The following MAP3K2 variants were observed in gnomAD, a reference collection of about 807,000 sequenced individuals.
MAP3K2 encodes MAP/ERK kinase kinase 2.
MAP3K2 carries 24 observed loss-of-function variants against 80.3 expected under a neutral mutation model. That is an observed-to-expected ratio of 0.30 (90% CI 0.22 to 0.42). The LOEUF (loss-of-function observed/expected upper bound fraction) is 0.42. MAP3K2 is among the 10% of genes least tolerant of loss of function. The pLI, the probability that MAP3K2 is intolerant of heterozygous loss-of-function variation, is 1.00. For missense variants in MAP3K2, 608 were observed against 750.1 expected (o/e 0.81, Z 2.21); for synonymous variants, 244 against 253.7 (o/e 0.96, Z 0.36).
intron 1 of MAP3K2, among the ~76,000 whole-genome samples, chr2:127,381,989 T>TA (rs1183039128): frequency 2.6e-5 from 4 of 151,920 alleles, no homozygotes; most frequent in South Asian, 2.1e-4. Flanking sequence ...CTTGATCTCT[T>TA]AAAAAAAATC....
At chr2:127,354,162 T>C (rs1231375964) in intron 1 of MAP3K2, among the ~76,000 whole-genome samples, 1 of 149,688 alleles carries the variant, frequency 6.7e-6, no homozygotes, top group Non-Finnish European at 1.5e-5. Context: ...CACTTGTTTA[T>C]CTGCTGACCT....
chr2:127,311,675 T>C (rs1310921456), intron 15 of MAP3K2, among the ~76,000 whole-genome samples: 1 of 152,114 alleles, frequency 6.6e-6, no homozygotes, highest in East Asian at 1.9e-4. Flanking sequence ...AAATTCAAGA[T>C]GTCATGATCA....
intron 1 of MAP3K2, among the ~76,000 whole-genome samples, chr2:127,352,441 G>T (rs1686707369): frequency 1.3e-5 from 2 of 152,030 alleles, no homozygotes; most frequent in African/African-American, 4.8e-5. Flanking sequence ...CTTCTTCCTT[G>T]TTTGGCTATT....
intron 2 of MAP3K2, among the ~76,000 whole-genome samples, chr2:127,340,027 C>T (rs760318060): frequency 5.9e-5 from 9 of 152,166 alleles, no homozygotes; most frequent in African/African-American, 9.7e-5. Flanking sequence ...AATAGTCTCT[C>T]AAACACACAA....
At chr2:127,373,766 T>C (rs965992245) in intron 1 of MAP3K2, among the ~76,000 whole-genome samples, 9 of 152,218 alleles carry the variant, frequency 5.9e-5, no homozygotes, top group Non-Finnish European at 1.2e-4. Context: ...TCTCTCTCTA[T>C]GTCCAGTGAG....
intron 2 of MAP3K2, among the ~76,000 whole-genome samples, chr2:127,342,094 G>T (rs1037755851): frequency 6.6e-6 from 1 of 152,058 alleles, no homozygotes. Flanking sequence ...ATTTGAGGCT[G>T]ACAAAAATAA....
intron 7 of MAP3K2, among the ~76,000 whole-genome samples, chr2:127,327,746 T>A (rs975901207): frequency 6.6e-6 from 1 of 152,098 alleles, no homozygotes; most frequent in Non-Finnish European, 1.5e-5. Context: ...TGCCAACATA[T>A]AAGAAAAATA....
At chr2:127,357,477 G>T (rs1181102862) in intron 1 of MAP3K2, among the ~76,000 whole-genome samples, 2 of 152,186 alleles carry the variant, frequency 1.3e-5, no homozygotes, top group African/African-American at 2.4e-5. Flanking sequence ...AAGGGAGGGA[G>T]ACCCTGTTGA....
Position 127,322,029 on chromosome 2 carries a change from C to T in MAP3K2, c.1045+17G>A. 1 of 1,603,068 alleles carries T rather than the reference C, an allele frequency of 6.2e-7. No individual in the cohort carries two copies. Among genetic ancestry groups the T allele is most frequent in the Non-Finnish European group, 8.5e-7 (1 of 1,172,574 alleles). On this transcript the variant is annotated intron_variant, in intron 12 of 16. Coordinates refer to ENST00000682094, the MANE Select transcript of MAP3K2 (RefSeq NM_001371910.2). The surrounding 1 kb of genome is among the most constrained non-coding windows in gnomAD (Gnocchi z 4.2). ...GATTCTGCTCTACATTTCACTATACCAAGTTCTATTACTTACAACGGCTGG... is the reference window on the plus strand; with the variant it reads ...GATTCTGCTCTACATTTCACTATACTAAGTTCTATTACTTACAACGGCTGG...
rs1023323630 is a variant in MAP3K2, at chr2:127,387,569, G to A, written c.-183C>T. The A allele has an allele frequency of 1.4e-5, 14 of 984,860 alleles. No homozygotes were observed. Among genetic ancestry groups the A allele is most frequent in the Non-Finnish European group, 1.6e-5 (13 of 829,724 alleles). 61.0% of individuals were successfully genotyped at this position (984,860 alleles called of 1,614,324 possible). ...CGGCCCCAGGTCGGGGGCTGCCGCA[G>A]GGCCCCCGGGGACCGGAGGGGCGCG... On this transcript the variant is annotated 5_prime_UTR_variant, in exon 1 of 17. Coordinates refer to ENST00000682094, the MANE Select transcript of MAP3K2 (RefSeq NM_001371910.2).
intron 1 of MAP3K2, among the ~76,000 whole-genome samples, chr2:127,349,674 C>G (rs1369353236): frequency 6.6e-6 from 1 of 152,088 alleles, no homozygotes; most frequent in African/African-American, 2.4e-5. Context: ...ACTTGAATAC[C>G]TGTTTCTTAT....
In MAP3K2 at chr2:127,299,953, A is replaced by G. The variant is rs1199179568; in HGVS notation, c.*7626T>C. 8.3e-6 allele frequency: 1 copy of G among 120,020 alleles called. No individual in the cohort carries two copies. Among genetic ancestry groups the G allele is most frequent in the Admixed American group, 9.3e-5 (1 of 10,714 alleles). 7.4% of individuals were successfully genotyped at this position (120,020 alleles called of 1,614,324 possible). Reference sequence around the variant, plus strand: ...CATGTGCCTACAGACAGAAAAAAACATCTCCACACAAACATACATCCCCTG... The same window carrying G: ...CATGTGCCTACAGACAGAAAAAAACGTCTCCACACAAACATACATCCCCTG... On this transcript the variant is annotated 3_prime_UTR_variant, in exon 17 of 17. Coordinates refer to ENST00000682094, the MANE Select transcript of MAP3K2 (RefSeq NM_001371910.2).
chr2:127,320,707 A>G (rs550412112), intron 12 of MAP3K2, among the ~76,000 whole-genome samples: 2 of 152,360 alleles, frequency 1.3e-5, no homozygotes, highest in Non-Finnish European at 2.9e-5. Context: ...TCTTGAAAGC[A>G]GCTGGGGCAG....
At chr2:127,342,330 A>C (rs1364775914) in intron 2 of MAP3K2, among the ~76,000 whole-genome samples, 2 of 141,226 alleles carry the variant, frequency 1.4e-5, no homozygotes, top group Non-Finnish European at 3.2e-5. Flanking sequence ...AATGACACAC[A>C]GTGAAAGTGT....
chr2:127,325,923 G>A, intron 8 of MAP3K2, 116 bp from the exon 9 acceptor site: 2 of 694,286 alleles, frequency 2.9e-6, no homozygotes, highest in Non-Finnish European at 5.0e-6. Context: ...CCCATTTAAA[G>A]TATACAAGTC....
intron 1 of MAP3K2, among the ~76,000 whole-genome samples, chr2:127,350,454 C>CAAAAAAAAAAA (rs752516255): frequency 4.8e-4 from 48 of 99,364 alleles, no homozygotes; most frequent in African/African-American, 7.9e-4. Context: ...AAAACAAAAA[C>CAAAAAAAAAAA]AAAAAAAAAA....
intron 1 of MAP3K2, among the ~76,000 whole-genome samples, chr2:127,365,215 T>C (rs1368529059): frequency 9.7e-5 from 14 of 144,260 alleles, no homozygotes; most frequent in African/African-American, 3.5e-4. Flanking sequence ...TTTGATTTCA[T>C]CCTTACAACA....
At chr2:127,344,097 G>C (rs1461240541) in intron 1 of MAP3K2, among the ~76,000 whole-genome samples, 2 of 152,054 alleles carry the variant, frequency 1.3e-5, no homozygotes, top group East Asian at 3.8e-4. Context: ...GTAATCCCCA[G>C]GTCAACTAGA....
In MAP3K2 at chr2:127,356,308, T is replaced by C. The variant is rs1396467215; in HGVS notation, c.-65-13114A>G. 5.3e-5 allele frequency among the ~76,000 whole-genome samples: 8 copies of C among 152,208 alleles called. 1 individual carries two copies. The highest frequency in any genetic ancestry group is 2.6e-4 in the Admixed American group (4 of 15,284). ...ATCAGAACAATCTGATCACTGTCTA[T>C]GGCAGCTATAGCCTTACAAAATGCA... On this transcript the variant is annotated intron_variant, in intron 1 of 16. Transcript: ENST00000682094.
Sources: gnomAD v4.1 joint callset for allele counts (sites outside exome capture counted in the v4.1 genomes callset) on GRCh38, gnomAD v4.1.1 for gene constraint, Gnocchi (gnomAD v3.1) non-coding constraint, MANE v1.5 for transcripts, NCBI Gene and HGNC (gene_info 2026-07-23, HGNC 2026-07-21) for gene names.